GNG12: variants seen among roughly 807,000 people sequenced by gnomAD.
GNG12 encodes the protein guanine nucleotide-binding protein G(I)/G(S)/G(O) subunit gamma-12.
For synonymous variants in GNG12, 28 were observed against 29.7 expected (o/e 0.94, Z 0.19); for missense variants, 69 against 83.8 (o/e 0.82, Z 0.69).
At chr1:67,795,959 C>T (rs1646829235) in intron 1 of GNG12, among the ~76,000 whole-genome samples, 1 of 152,218 alleles carries the variant, frequency 6.6e-6, no homozygotes, top group Non-Finnish European at 1.5e-5. Flanking sequence ...ATACTTTCTC[C>T]TACGGGTACA....
intron 2 of GNG12, among the ~76,000 whole-genome samples, chr1:67,774,918 G>C (rs1484674597): frequency 3.9e-5 from 6 of 152,292 alleles, no homozygotes; most frequent in Non-Finnish European, 2.9e-5. Flanking sequence ...AATTGAAAAG[G>C]AGATTTTTTC....
intron 2 of GNG12, among the ~76,000 whole-genome samples, chr1:67,760,234 A>G (rs1439392389): frequency 1.3e-5 from 2 of 152,132 alleles, no homozygotes; most frequent in African/African-American, 4.8e-5. Context: ...GCTCTAATCT[A>G]TGCTTTGCTT....
At chr1:67,796,453 TAAC>T (rs930862112) in intron 1 of GNG12, among the ~76,000 whole-genome samples, 12 of 152,258 alleles carry the variant, frequency 7.9e-5, no homozygotes, top group African/African-American at 2.4e-4. Flanking sequence ...TCTCAAATAA[TAAC>T]AACGAGTACG....
chr1:67,707,850 C>T (rs186431887), intron 2 of GNG12, 138 bp from the exon 3 acceptor site: 12 of 542,794 alleles, frequency 2.2e-5, no homozygotes, highest in Non-Finnish European at 2.9e-5. Context: ...TACTAAAACA[C>T]CCCTTAGAAA....
chr1:67,713,709 A>G (rs185362745), intron 2 of GNG12, among the ~76,000 whole-genome samples: 141 of 152,230 alleles, frequency 9.3e-4, no homozygotes, highest in African/African-American at 3.2e-3. Flanking sequence ...TCTTGCCTTC[A>G]ACTTTCAATG....
intron 2 of GNG12, among the ~76,000 whole-genome samples, chr1:67,749,076 A>T (rs897971805): frequency 3.3e-5 from 5 of 152,194 alleles, no homozygotes; most frequent in Admixed American, 3.3e-4. Flanking sequence ...CAAACCCTCC[A>T]TTTCTTCCTG....
At chr1:67,734,377 G>T (rs1040713808) in intron 2 of GNG12, among the ~76,000 whole-genome samples, 1 of 152,166 alleles carries the variant, frequency 6.6e-6, no homozygotes, top group African/African-American at 2.4e-5. Context: ...TAAATGTTTT[G>T]ACTCCTTCTG....
chr1:67,702,056 G>A lies in GNG12; in HGVS notation c.*3395C>T, dbSNP rs1441675118. On this transcript the variant is annotated 3_prime_UTR_variant, in exon 4 of 4. Coordinates refer to ENST00000370982, the MANE Select transcript of GNG12 (RefSeq NM_018841.6). ...AGAAATAGAGGCCCAGAGAGATGAA[G>A]CGCCTTGTCCAAGGTCACACAGCAC... 1 of 152,812 alleles carries A rather than the reference G, an allele frequency of 6.5e-6. No individual in the cohort carries two copies. The highest frequency in any genetic ancestry group is 2.4e-5 in the African/African-American group (1 of 41,456). 9.5% of individuals were successfully genotyped at this position (152,812 alleles called of 1,614,324 possible).
chr1:67,803,111 A>G (rs946627970), intron 1 of GNG12, among the ~76,000 whole-genome samples: 1 of 152,244 alleles, frequency 6.6e-6, no homozygotes, highest in African/African-American at 2.4e-5. Context: ...CAGGGGATAC[A>G]AGTAAAACAT....
At chr1:67,803,775 G>A (rs1228130075) in intron 1 of GNG12, among the ~76,000 whole-genome samples, 2 of 152,216 alleles carry the variant, frequency 1.3e-5, no homozygotes, top group Admixed American at 6.5e-5. Flanking sequence ...GTCTGACACA[G>A]GGTAAGGGTT....
At chr1:67,772,217 G>A (rs1020022804) in intron 2 of GNG12, among the ~76,000 whole-genome samples, 9 of 152,344 alleles carry the variant, frequency 5.9e-5, no homozygotes, top group Admixed American at 5.2e-4. Flanking sequence ...TCACAGATCT[G>A]TTGAAGTCTA....
At chr1:67,728,282 G>A (rs915842024) in intron 2 of GNG12, among the ~76,000 whole-genome samples, 1 of 152,174 alleles carries the variant, frequency 6.6e-6, no homozygotes, top group African/African-American at 2.4e-5. Context: ...ATGAGTGTGA[G>A]CTGCACTCCT....
chr1:67,731,617 C>A (rs1396494172), intron 2 of GNG12, among the ~76,000 whole-genome samples: 1 of 152,180 alleles, frequency 6.6e-6, no homozygotes, highest in African/African-American at 2.4e-5. Flanking sequence ...GAAGCAGAGG[C>A]ACCATGAAGA....
chr1:67,801,637 G>A (rs1184126088), intron 1 of GNG12, among the ~76,000 whole-genome samples: 1 of 152,180 alleles, frequency 6.6e-6, no homozygotes, highest in Non-Finnish European at 1.5e-5. Flanking sequence ...AGGAAGAGGA[G>A]AGAGCAATTT....
intron 2 of GNG12, among the ~76,000 whole-genome samples, chr1:67,765,334 CTAATA>C (rs1646629816): frequency 6.6e-6 from 1 of 151,994 alleles, no homozygotes; most frequent in Admixed American, 6.6e-5. Context: ...AAAATTATTA[CTAATA>C]TAAACACTAT....
At chr1:67,784,602 G>A (rs1428509221) in intron 1 of GNG12, among the ~76,000 whole-genome samples, 5 of 151,900 alleles carry the variant, frequency 3.3e-5, no homozygotes, top group African/African-American at 4.8e-5. Context: ...GTGTCACCTC[G>A]AAAAACAATT....
At position 67,757,894 on chromosome 1, in the gene GNG12, T is replaced by G. The variant is rs145881951; in HGVS notation, c.-27+19564A>C. Among the ~76,000 whole-genome samples the G allele has an allele frequency of 7.4e-4, 113 of 152,276 alleles. 1 individual carries two copies. In the East Asian group the frequency reaches 0.015, roughly 20 times the overall value. On this transcript the variant is annotated intron_variant, in intron 2 of 3. Coordinates refer to ENST00000370982, the MANE Select transcript of GNG12 (RefSeq NM_018841.6). ...CTCACTTAAAAAGAAAACGCAGCAA[T>G]GGACAGGGGTTACATAAACGAGTCT...
chr1:67,791,683 CCTCTG>C (rs1646802495), intron 1 of GNG12, among the ~76,000 whole-genome samples: 1 of 152,150 alleles, frequency 6.6e-6, no homozygotes, highest in South Asian at 2.1e-4. Flanking sequence ...GTTGGCATCT[CCTCTG>C]CTCCCATCTG....
At position 67,722,182 on chromosome 1, in the gene GNG12, T is replaced by A. The variant is rs192542791; in HGVS notation, c.-26-14470A>T. 2.3e-3 allele frequency among the ~76,000 whole-genome samples: 353 copies of A among 152,248 alleles called. 2 individuals are homozygous for A. The highest frequency in any genetic ancestry group is 8.0e-3 in the African/African-American group (334 of 41,540). ...ATGGGAGGGTTGAAAATGAGGCAACTGGCACATGGTGCTGCATCCATTTTA... is the reference window on the plus strand; with the variant it reads ...ATGGGAGGGTTGAAAATGAGGCAACAGGCACATGGTGCTGCATCCATTTTA... On this transcript the variant is annotated intron_variant, in intron 2 of 3. Coordinates refer to ENST00000370982, the MANE Select transcript of GNG12 (RefSeq NM_018841.6).
Sources: allele counts gnomAD v4.1 joint callset (sites outside exome capture counted in the v4.1 genomes callset), GRCh38; gene constraint gnomAD v4.1.1; transcripts MANE v1.5; gene names NCBI Gene and HGNC (gene_info 2026-07-23, HGNC 2026-07-21).